Variants in DAB2IP observed in about 807,000 individuals in gnomAD.
The protein encoded by DAB2IP is DAB2 interacting protein, also known as disabled homolog 2-interacting protein.
A neutral mutation model predicts 107.2 loss-of-function variants in DAB2IP; 28 were observed. The ratio of observed to expected loss-of-function variants is 0.26; its 90% CI spans 0.19 to 0.36. The LOEUF is 0.36. Among genes scored for constraint, DAB2IP ranks in the 10% least tolerant of loss-of-function variants. The pLI is 1.00. For missense variants in DAB2IP, 1,400 were observed against 1,644.7 expected (o/e 0.85, Z 2.57); for synonymous variants, 755 against 706.4 (o/e 1.07, Z -1.09).
chr9:121,651,048 G>A (rs1564134199), upstream of DAB2IP, among the ~76,000 whole-genome samples: 1 of 152,182 alleles, frequency 6.6e-6, no homozygotes, highest in East Asian at 1.9e-4. This position sits in a 1 kb window ranked among gnomAD's most constrained non-coding sequence, Gnocchi z 5.1. Context: ...TGAGTTTCTG[G>A]TGCCTACGGT....
Position 121,734,339 on chromosome 9 carries a change from T to TGCAGTCC in DAB2IP, c.363-22665_363-22659dup, listed in dbSNP as rs1450960258. Among the ~76,000 whole-genome samples, 4 of 148,458 alleles carry TGCAGTCC rather than the reference T, an allele frequency of 2.7e-5. No individual in the cohort carries two copies. In the East Asian group the frequency reaches 5.9e-4, roughly 22 times the overall value. ...TTGCAGTGAGCCGAGATTGCGCCAT[T>TGCAGTCC]GCAGTCCGCAGTCCGGCCTGGGCAA... On this transcript the variant is annotated intron_variant, in intron 3 of 15. Coordinates refer to ENST00000408936, the Ensembl canonical transcript of DAB2IP.
At chr9:121,664,602 T>A (rs556472785) in intron 1 of DAB2IP, among the ~76,000 whole-genome samples, 1 of 152,354 alleles carries the variant, frequency 6.6e-6, no homozygotes, top group African/African-American at 2.4e-5. Context: ...TGTGTTAAAT[T>A]TATTAAGTAT....
At chr9:121,722,186 G>A (rs1204271644) in intron 3 of DAB2IP, among the ~76,000 whole-genome samples, 2 of 152,226 alleles carry the variant, frequency 1.3e-5, no homozygotes, top group Non-Finnish European at 2.9e-5. Context: ...GTCCATGCAT[G>A]CATGTGACCT....
At position 121,603,187 on chromosome 9, in the gene DAB2IP, CTA is replaced by C. The variant is rs540679509; in HGVS notation, c.40+35961_40+35962del. On this transcript the variant is annotated intron_variant, in intron 1 of 16. Coordinates refer to the DAB2IP transcript ENST00000259371. ...CGGGGTGGTTCTGTTGTGCGTCTAT[CTA>C]TGTTTTCAATCTCCATCCCTTCCCT... Among the ~76,000 whole-genome samples, 825 of 152,302 alleles carry C rather than the reference CTA, an allele frequency of 5.4e-3. 6 individuals carry two copies. The highest frequency in any genetic ancestry group is 9.9e-3 in the Non-Finnish European group (674 of 68,032).
chr9:121,759,005 G>A lies in DAB2IP; in HGVS notation c.615+9G>A. Reference sequence around the variant, plus strand: ...CGGTGCATCCCAACAAGGTAAGCCTGCGCCCCTCTCACCAAAGCATGGGGG... The same window carrying A: ...CGGTGCATCCCAACAAGGTAAGCCTACGCCCCTCTCACCAAAGCATGGGGG... On this transcript the variant is annotated intron_variant, in intron 5 of 15. Coordinates refer to ENST00000408936, the Ensembl canonical transcript of DAB2IP. 1 of 1,607,762 alleles carries A rather than the reference G, an allele frequency of 6.2e-7. No individual in the cohort carries two copies.
In DAB2IP at chr9:121,671,116, A is replaced by G. The variant is rs138935619; in HGVS notation, c.125-7562A>G. Among the ~76,000 whole-genome samples, 890 of 152,330 alleles carry G rather than the reference A, an allele frequency of 5.8e-3. 8 individuals are homozygous for G. Among genetic ancestry groups the G allele is most frequent in the Middle Eastern group, 0.027 (8 of 294 alleles). ...CAGTGAGCCGAGATCGTGCCACTGC[A>G]CTGCAGCCTGGCAACAGAGTGAGAC... On this transcript the variant is annotated intron_variant, in intron 1 of 15. Coordinates refer to ENST00000408936, the Ensembl canonical transcript of DAB2IP.
chr9:121,687,108 C>T (rs1459201910), intron 2 of DAB2IP, among the ~76,000 whole-genome samples: 1 of 152,094 alleles, frequency 6.6e-6, no homozygotes, highest in African/African-American at 2.4e-5. Context: ...GTGTTGAAGT[C>T]CCAGGGGTTT....
At chr9:121,640,266 G>T (rs1832234460) in intron 1 of DAB2IP, among the ~76,000 whole-genome samples, 1 of 152,174 alleles carries the variant, frequency 6.6e-6, no homozygotes, top group Admixed American at 6.5e-5. Flanking sequence ...GCCTGGGCTG[G>T]GTAGTGCGGA....
chr9:121,605,202 G>A (rs1830828926), intron 1 of DAB2IP, among the ~76,000 whole-genome samples: 1 of 151,806 alleles, frequency 6.6e-6, no homozygotes, highest in East Asian at 1.9e-4. Context: ...GTATTTTTTT[G>A]TAGAGACAGG....
intron 3 of DAB2IP, among the ~76,000 whole-genome samples, chr9:121,714,599 A>G (rs2118790592): frequency 6.6e-6 from 1 of 152,350 alleles, no homozygotes; most frequent in Middle Eastern, 3.4e-3. Flanking sequence ...CTGGTCTCAA[A>G]GAAGAGGATA....
At chr9:121,779,723 C>G (rs888941131) in intron 14 of DAB2IP, among the ~76,000 whole-genome samples, 1 of 152,226 alleles carries the variant, frequency 6.6e-6, no homozygotes, top group Non-Finnish European at 1.5e-5. Flanking sequence ...GCGATTGTTT[C>G]GTGTTCTCCT....
In DAB2IP at chr9:121,684,490, G is replaced by A. The variant is rs1828757654; in HGVS notation, c.228+5709G>A. Reference sequence around the variant, plus strand: ...TCCTGGGAGGAATGGGTGTTCTTTGGTCCAACTGCCCTCGGAGCCCCACGA... The same window carrying A: ...TCCTGGGAGGAATGGGTGTTCTTTGATCCAACTGCCCTCGGAGCCCCACGA... On this transcript the variant is annotated intron_variant, in intron 2 of 15. Transcript: ENST00000408936. This position sits in a 1 kb window ranked among gnomAD's most constrained non-coding sequence, Gnocchi z 4.0. Among the ~76,000 whole-genome samples the A allele has an allele frequency of 6.6e-6, 1 of 152,132 alleles. No individual in the cohort carries two copies. The highest frequency in any genetic ancestry group is 1.5e-5 in the Non-Finnish European group (1 of 68,016).
At chr9:121,697,184 C>T (rs545867872) in intron 2 of DAB2IP, among the ~76,000 whole-genome samples, 9 of 152,210 alleles carry the variant, frequency 5.9e-5, no homozygotes, top group African/African-American at 2.2e-4. Flanking sequence ...ACCTCCTAGA[C>T]GGGAGAAAAC....
chr9:121,749,502 G>A (rs997623097), intron 3 of DAB2IP, among the ~76,000 whole-genome samples: 1 of 152,224 alleles, frequency 6.6e-6, no homozygotes, highest in Non-Finnish European at 1.5e-5. Context: ...ACTCTGTGGA[G>A]ACAAACCTTG....
chr9:121,782,335 A>G lies in DAB2IP; in HGVS notation c.3407A>G (p.Lys1136Arg). 1.9e-6 allele frequency: 3 copies of G among 1,613,792 alleles called. No individual in the cohort carries two copies. The highest frequency in any genetic ancestry group is 2.5e-6 in the Non-Finnish European group (3 of 1,179,798). Residue 1136 changes from lysine (K) to arginine (R), a missense_variant, in exon 16 of 16, where the codon AAG becomes AGG. This residue lies in a region of DAB2IP where 600 missense variants were observed against 659.1 expected (regional missense o/e 0.91). Transcript: ENST00000408936. The surrounding 1 kb of genome is among the most constrained non-coding windows in gnomAD (Gnocchi z 6.1). ...TCACATCCCCATTGTCCACAGGAGAAGCGCATTGCCTCGTTGGATGCCGCC... is the reference window on the plus strand; with the variant it reads ...TCACATCCCCATTGTCCACAGGAGAGGCGCATTGCCTCGTTGGATGCCGCC...
intron 1 of DAB2IP, among the ~76,000 whole-genome samples, chr9:121,620,740 T>C (rs754970948): frequency 4.6e-5 from 7 of 152,144 alleles, no homozygotes; most frequent in Non-Finnish European, 8.8e-5. Context: ...GACTTCTCTG[T>C]TGACACCGCT....
At chr9:121,740,697 CAT>C (rs1832276248) in intron 3 of DAB2IP, among the ~76,000 whole-genome samples, 1 of 152,206 alleles carries the variant, frequency 6.6e-6, no homozygotes, top group South Asian at 2.1e-4. Context: ...CTGGAGATAA[CAT>C]AATGTCTGCT....
At chr9:121,676,043 G>A (rs1833888984) in intron 1 of DAB2IP, among the ~76,000 whole-genome samples, 1 of 152,258 alleles carries the variant, frequency 6.6e-6, no homozygotes, top group Non-Finnish European at 1.5e-5. Flanking sequence ...GCGCCAGGCT[G>A]AGGATGAGCC....
At chr9:121,617,141 C>A (rs1831306455) in intron 1 of DAB2IP, among the ~76,000 whole-genome samples, 1 of 152,028 alleles carries the variant, frequency 6.6e-6, no homozygotes, top group African/African-American at 2.4e-5. Flanking sequence ...CGAGACCAGC[C>A]TGGTGAAACC....
Sources: allele counts gnomAD v4.1 joint callset (sites outside exome capture counted in the v4.1 genomes callset), GRCh38; gene constraint gnomAD v4.1.1; regional missense constraint gnomAD v4.1.1; non-coding constraint Gnocchi (gnomAD v3.1); transcripts MANE v1.5; gene names NCBI Gene and HGNC (gene_info 2026-07-23, HGNC 2026-07-21).